The following C6orf62 variants were observed in gnomAD, a reference collection of about 807,000 sequenced individuals.
C6orf62 encodes chromosome 6 open reading frame 62, also known as uncharacterized protein C6orf62.
Under a neutral mutation model 26.8 loss-of-function variants are expected in C6orf62, and 16 were observed. The ratio of observed to expected loss-of-function variants is 0.60; its 90% CI spans 0.40 to 0.91. The LOEUF (loss-of-function observed/expected upper bound fraction) is 0.91, where lower values mean the gene tolerates loss of function less well. C6orf62 is among the 40% of genes least tolerant of loss of function. The probability of loss-of-function intolerance (pLI) is 0.00; values close to 1 mark genes in which losing one functional copy is unlikely to be tolerated. For synonymous variants in C6orf62, 112 were observed against 91.5 expected (o/e 1.22, Z -1.28); for missense variants, 192 against 271.4 (o/e 0.71, Z 2.06).
At chr6:24,716,645 G>T (rs1270824671) in intron 1 of C6orf62, among the ~76,000 whole-genome samples, 1 of 151,852 alleles carries the variant, frequency 6.6e-6, no homozygotes, top group South Asian at 2.1e-4. Flanking sequence ...TCAGACAAAT[G>T]AATAGTTTTA....
At chr6:24,720,012 A>AGGGGCG, upstream of C6orf62, 1 of 1,463,276 alleles carries the variant, frequency 6.8e-7, no homozygotes, top group Non-Finnish European at 9.1e-7. Flanking sequence ...TTCTAAAGTA[A>AGGGGCG]GCCCACCCAC....
chr6:24,720,045 C>A, upstream of C6orf62: 1 of 790,720 alleles, frequency 1.3e-6, no homozygotes, highest in Middle Eastern at 5.6e-4. Flanking sequence ...AAATTAAGTT[C>A]CCGGATTAGC....
At chr6:24,716,595 CTTAAAA>C (rs1779235114) in intron 1 of C6orf62, among the ~76,000 whole-genome samples, 2 of 152,156 alleles carry the variant, frequency 1.3e-5, no homozygotes, top group Non-Finnish European at 2.9e-5. Flanking sequence ...GACAATACTT[CTTAAAA>C]TTAAAAATCT....
At chr6:24,709,413 A>AG (rs572939969) in intron 3 of C6orf62, 1,228 of 970,332 alleles carry the variant, frequency 1.3e-3, no homozygotes, top group Non-Finnish European at 1.4e-3. Context: ...GCTGTTTCTA[A>AG]GAAAAAAAAA....
intron 3 of C6orf62, chr6:24,710,001 G>A (rs1779088428): frequency 1.5e-5 from 15 of 984,518 alleles, no homozygotes; most frequent in African/African-American, 3.5e-5. Flanking sequence ...CTTATAAACC[G>A]TAACATAAAA....
At position 24,718,466 on chromosome 6, in the gene C6orf62, A is replaced by G. The variant is rs113314884; in HGVS notation, c.129+74T>C. 3.9e-3 allele frequency: 5,433 copies of G among 1,385,614 alleles called. 116 individuals carry two copies. The East Asian group carries it at 0.054, about 14-fold the overall frequency. The allele number at this position is 1,385,614 out of a possible 1,614,324, so 85.8% of individuals were successfully genotyped here. A position where few individuals can be genotyped will look rare whatever the true frequency, so the allele number is the denominator to read the frequency against. On this transcript the variant is annotated intron_variant, in intron 1 of 4. Transcript: ENST00000378119. ...CACTCTTTAACCTAATATTCATAATAATTTAAGAGTAACAAATAATATACA... is the reference window on the plus strand; with the variant it reads ...CACTCTTTAACCTAATATTCATAATGATTTAAGAGTAACAAATAATATACA...
Position 24,705,406 on chromosome 6 carries a change from G to T in C6orf62, c.*731C>A, listed in dbSNP as rs867065474. On this transcript the variant is annotated 3_prime_UTR_variant, in exon 5 of 5. Transcript: ENST00000378119. ...GCTATGCATGTATTTCTGTTTTATA[G>T]CTGCTTTATAGCTACTTCAGACTCC... 16 of 152,640 alleles carry T rather than the reference G, an allele frequency of 1.0e-4. No homozygotes were observed. The highest frequency in any genetic ancestry group is 3.4e-4 in the African/African-American group (14 of 41,532). 9.5% of individuals were successfully genotyped at this position (152,640 alleles called of 1,614,324 possible). A position where few individuals can be genotyped will look rare whatever the true frequency, so the allele number is the denominator to read the frequency against.
At position 24,714,347 on chromosome 6, in the gene C6orf62, C is replaced by G. The variant is rs756472666; in HGVS notation, c.400G>C (p.Glu134Gln). 2.5e-5 allele frequency: 41 copies of G among 1,611,496 alleles called. No homozygotes were observed. The highest frequency in any genetic ancestry group is 3.3e-5 in the Non-Finnish European group (39 of 1,179,230). The change falls in exon 3 of 5, where the codon GAA (glutamate) becomes CAA (glutamine). Residue 134 changes from glutamate to glutamine, a missense_variant. Physicochemically the swap from Glu to Gln is conservative, Grantham distance 29. Coordinates refer to ENST00000378119, the MANE Select transcript of C6orf62 (RefSeq NM_030939.5). ...IVCLLFSRWK[E>Q]SDEPFRPVQA... Reference sequence around the variant, plus strand: ...ACAGGCCTAAAAGGCTCATCAGATTCTTTCCACCTAGAAAACAGGAGACAG... The same window carrying G: ...ACAGGCCTAAAAGGCTCATCAGATTGTTTCCACCTAGAAAACAGGAGACAG...
chr6:24,706,061 G>C lies in C6orf62; in HGVS notation c.*76C>G. On this transcript the variant is annotated 3_prime_UTR_variant, in exon 5 of 5. Coordinates refer to ENST00000378119, the MANE Select transcript of C6orf62 (RefSeq NM_030939.5). Reference sequence around the variant, plus strand: ...AGTCCATTTTCTTTAAACTCTGAAAGAATAAAGTGGTAAGAAAACAAGAAA... The same window carrying C: ...AGTCCATTTTCTTTAAACTCTGAAACAATAAAGTGGTAAGAAAACAAGAAA... 9.5e-6 allele frequency: 15 copies of C among 1,573,008 alleles called. No individual in the cohort carries two copies. Among genetic ancestry groups the C allele is most frequent in the Non-Finnish European group, 1.3e-5 (15 of 1,156,686 alleles).
At position 24,718,680 on chromosome 6, in the gene C6orf62, G is replaced by T. The variant is rs777609389; in HGVS notation, c.-12C>A. 1 of 1,613,586 alleles carries T rather than the reference G, an allele frequency of 6.2e-7. No homozygotes were observed. Among genetic ancestry groups the T allele is most frequent in the South Asian group, 1.1e-5 (1 of 91,012 alleles). ...TTTGGGTCCCCCATTTTGAAATACAGGTGGTACTAAAGCCTTTGGAAATTG... is the reference window on the plus strand; with the variant it reads ...TTTGGGTCCCCCATTTTGAAATACATGTGGTACTAAAGCCTTTGGAAATTG... On this transcript the variant is annotated 5_prime_UTR_variant, in exon 1 of 5. It adds an upstream start codon to the 5' untranslated region. Transcript: ENST00000378119.
chr6:24,711,245 CACACACACACAA>C (rs533651319), intron 3 of C6orf62, among the ~76,000 whole-genome samples: 29 of 151,592 alleles, frequency 1.9e-4, no homozygotes, highest in African/African-American at 2.4e-4. Flanking sequence ...ATGGTACACA[CACACACACACAA>C]ACACACACAC....
At chr6:24,720,281 G>A (rs1002397812), upstream of C6orf62, 1 of 1,300,414 alleles carries the variant, frequency 7.7e-7, no homozygotes, top group African/African-American at 1.6e-5. Flanking sequence ...GGCGGCGGCG[G>A]AAGAGGCGGC....
At chr6:24,708,252 G>A (rs1482344098) in intron 4 of C6orf62, among the ~76,000 whole-genome samples, 1 of 79,500 alleles carries the variant, frequency 1.3e-5, no homozygotes, top group African/African-American at 5.8e-5. Context: ...GTTTTTTCCC[G>A]TTTAAAAAAA....
At chr6:24,717,622 G>A (rs868258329) in intron 1 of C6orf62, among the ~76,000 whole-genome samples, 1 of 152,182 alleles carries the variant, frequency 6.6e-6, no homozygotes, top group Admixed American at 6.5e-5. Flanking sequence ...AGTGAGGCCT[G>A]TCTCAGCAAC....
chr6:24,708,012 A>G (rs1430150315), intron 4 of C6orf62, among the ~76,000 whole-genome samples: 1 of 151,974 alleles, frequency 6.6e-6, no homozygotes, highest in Non-Finnish European at 1.5e-5. Context: ...CTCTCAAGAA[A>G]AAAAAAAACG....
intron 3 of C6orf62, chr6:24,709,354 A>C (rs1779076090): frequency 5.1e-6 from 5 of 985,298 alleles, no homozygotes; most frequent in Non-Finnish European, 6.0e-6. Flanking sequence ...TAGTACTTTA[A>C]GCCCCAAGGA....
At chr6:24,706,309 C>A in intron 4 of C6orf62, 47 bp from the exon 5 acceptor site, 1 of 1,602,816 alleles carries the variant, frequency 6.2e-7, no homozygotes. Context: ...AAGACTTTAG[C>A]GTAACTGTCA....
intron 4 of C6orf62, 64 bp downstream of exon 4, chr6:24,708,713 A>G: frequency 1.3e-5 from 20 of 1,596,436 alleles, no homozygotes; most frequent in Non-Finnish European, 1.7e-5. Flanking sequence ...CTTGTATATA[A>G]AACGTTTACT....
At chr6:24,718,478 A>T in intron 1 of C6orf62, 62 bp downstream of exon 1, 1 of 1,456,796 alleles carries the variant, frequency 6.9e-7, no homozygotes, top group Non-Finnish European at 9.4e-7. Context: ...TTTAAGAGTA[A>T]CAAATAATAT....
Sources: allele counts gnomAD v4.1 joint callset (sites outside exome capture counted in the v4.1 genomes callset), GRCh38; gene constraint gnomAD v4.1.1; transcripts MANE v1.5; gene names NCBI Gene and HGNC (gene_info 2026-07-23, HGNC 2026-07-21).